The following HERPUD2 variants were observed in gnomAD, a reference collection of about 807,000 sequenced individuals.
The protein encoded by HERPUD2 is HERPUD family member 2, also known as homocysteine-responsive endoplasmic reticulum-resident ubiquitin-like domain member 2 protein.
A neutral mutation model predicts 49.9 loss-of-function variants in HERPUD2; 13 were observed. The observed-to-expected ratio is 0.26, with a 90% CI of 0.17 to 0.41. The LOEUF is 0.41. Ranked by LOEUF, HERPUD2 falls within the 10% of genes least tolerant of loss-of-function variation. The probability of loss-of-function intolerance (pLI) is 1.00; values close to 1 mark genes in which losing one functional copy is unlikely to be tolerated. For synonymous variants in HERPUD2, 172 were observed against 171.4 expected (o/e 1.00, Z -0.03); for missense variants, 449 against 492.2 (o/e 0.91, Z 0.83).
rs201401047 is a variant in HERPUD2 at position 35,636,879 on chromosome 7, G to A, written c.618-1421C>T. Among the ~76,000 whole-genome samples the A allele has an allele frequency of 3.9e-5, 6 of 152,168 alleles. No homozygotes were observed. The East Asian group carries it at 1.2e-3, about 29-fold the overall frequency. ...CATGGTGGCTCATGCCTGTAATCCCGGCACTTTGGGTGGTCAAGGCAGGCA... is the reference window on the plus strand; with the variant it reads ...CATGGTGGCTCATGCCTGTAATCCCAGCACTTTGGGTGGTCAAGGCAGGCA... On this transcript the variant is annotated intron_variant, in intron 6 of 8. Coordinates refer to ENST00000311350, the MANE Select transcript of HERPUD2 (RefSeq NM_022373.5).
intron 5 of HERPUD2, among the ~76,000 whole-genome samples, chr7:35,664,981 T>C (rs2115942619): frequency 6.6e-6 from 1 of 152,270 alleles, no homozygotes; most frequent in Middle Eastern, 3.4e-3. Flanking sequence ...TCTGGAAGCT[T>C]CATCTCAGAG....
At chr7:35,657,921 C>G (rs1459658739) in intron 5 of HERPUD2, among the ~76,000 whole-genome samples, 1 of 129,150 alleles carries the variant, frequency 7.7e-6, no homozygotes, top group South Asian at 2.7e-4. Context: ...GACTCTGTCT[C>G]AAAAAAAAAA....
chr7:35,664,056 G>A (rs1785487586), intron 5 of HERPUD2, among the ~76,000 whole-genome samples: 1 of 152,102 alleles, frequency 6.6e-6, no homozygotes, highest in African/African-American at 2.4e-5. Context: ...GTGTTTTAGT[G>A]CTTCCTTCAG....
intron 5 of HERPUD2, among the ~76,000 whole-genome samples, chr7:35,639,764 T>G (rs376092645): frequency 1.3e-5 from 2 of 152,166 alleles, no homozygotes; most frequent in East Asian, 1.9e-4. Context: ...AAACCTAACT[T>G]AGAAGAGCCT....
At chr7:35,676,548 C>T (rs1343222228) in intron 2 of HERPUD2, among the ~76,000 whole-genome samples, 1 of 152,146 alleles carries the variant, frequency 6.6e-6, no homozygotes, top group Non-Finnish European at 1.5e-5. Flanking sequence ...TCAGCCATTG[C>T]TCCAGGATCC....
At chr7:35,674,668 AC>A (rs1785722048) in intron 2 of HERPUD2, among the ~76,000 whole-genome samples, 1 of 138,800 alleles carries the variant, frequency 7.2e-6, no homozygotes, top group East Asian at 2.2e-4. Context: ...TCCCACCCCC[AC>A]CCCCAACCTC....
At chr7:35,672,008 ACT>A (rs1785654126) in intron 3 of HERPUD2, among the ~76,000 whole-genome samples, 1 of 152,046 alleles carries the variant, frequency 6.6e-6, no homozygotes, top group Non-Finnish European at 1.5e-5. Context: ...GTGATACTAT[ACT>A]GGTGGAGACA....
chr7:35,683,288 T>C (rs764641333), intron 2 of HERPUD2, among the ~76,000 whole-genome samples: 9 of 152,172 alleles, frequency 5.9e-5, no homozygotes, highest in Non-Finnish European at 1.0e-4. Context: ...CCAACTGATC[T>C]TTGACAAAGC....
intron 3 of HERPUD2, among the ~76,000 whole-genome samples, chr7:35,672,407 A>T (rs561215314): frequency 1.2e-4 from 19 of 152,184 alleles, no homozygotes; most frequent in African/African-American, 4.6e-4. Context: ...GGCAAAGCTA[A>T]AATGTCAACT....
At chr7:35,668,235 G>A (rs150585142) in intron 4 of HERPUD2, among the ~76,000 whole-genome samples, 1 of 152,214 alleles carries the variant, frequency 6.6e-6, no homozygotes, top group East Asian at 1.9e-4. Flanking sequence ...AATTCTATTA[G>A]TTTATAGAAA....
chr7:35,661,581 G>A (rs1461068348), intron 5 of HERPUD2, among the ~76,000 whole-genome samples: 2 of 152,168 alleles, frequency 1.3e-5, no homozygotes, highest in African/African-American at 4.8e-5. Context: ...CCTTGAAGAG[G>A]TCGTTCACAT....
intron 5 of HERPUD2, among the ~76,000 whole-genome samples, chr7:35,649,127 T>C (rs1304629388): frequency 6.6e-6 from 1 of 152,010 alleles, no homozygotes; most frequent in African/African-American, 2.4e-5. Flanking sequence ...GGCAGGCGCC[T>C]GTAGTCCCAG....
At chr7:35,657,777 G>A (rs1785311364) in intron 5 of HERPUD2, among the ~76,000 whole-genome samples, 2 of 151,398 alleles carry the variant, frequency 1.3e-5, no homozygotes, top group African/African-American at 4.9e-5. Flanking sequence ...AAATTAGCCA[G>A]GTGCTGTGGC....
intron 5 of HERPUD2, among the ~76,000 whole-genome samples, chr7:35,644,718 G>T (rs530143885): frequency 2.0e-5 from 3 of 152,178 alleles, no homozygotes; most frequent in Non-Finnish European, 4.4e-5. Context: ...AGTGAGCCAA[G>T]ATCGCACCAC....
In HERPUD2 at chr7:35,634,396, T is replaced by C; in HGVS notation, c.975A>G (p.Glu325=). 1 of 1,613,854 alleles carries C rather than the reference T, an allele frequency of 6.2e-7. No homozygotes were observed. The highest frequency in any genetic ancestry group is 1.7e-4 in the Middle Eastern group (1 of 6,058). ...TGTTGGGAGCCTGCTGATGACCTCC[T>C]TCTTGCCTAAAAGGAAACCATCCAG... ...HQAGWFPFRQ[E]GGHQQAPNNN... The change falls in exon 8 of 9, where the codon GAA becomes GAG. Residue 325 remains glutamate, a synonymous_variant. Transcript: ENST00000311350.
At chr7:35,661,781 T>G (rs563085946) in intron 5 of HERPUD2, among the ~76,000 whole-genome samples, 80 of 152,266 alleles carry the variant, frequency 5.3e-4, no homozygotes, top group African/African-American at 1.8e-3. Flanking sequence ...TGGGCTGAGA[T>G]GATAGGGTTT....
intron 2 of HERPUD2, among the ~76,000 whole-genome samples, chr7:35,676,469 G>C (rs1285941065): frequency 6.6e-6 from 1 of 152,124 alleles, no homozygotes; most frequent in Non-Finnish European, 1.5e-5. Context: ...TCTAATAGTA[G>C]CTTCCTTGCT....
intron 2 of HERPUD2, among the ~76,000 whole-genome samples, chr7:35,675,874 AAGT>A (rs1336995474): frequency 4.5e-4 from 68 of 152,170 alleles, no homozygotes; most frequent in Non-Finnish European, 5.9e-5. Context: ...TCCTGGGCTC[AAGT>A]AATCCTCCCG....
chr7:35,665,447 G>A (rs377368880), intron 5 of HERPUD2, among the ~76,000 whole-genome samples: 12 of 152,324 alleles, frequency 7.9e-5, no homozygotes, highest in African/African-American at 2.2e-4. Flanking sequence ...CTGGTGAGCC[G>A]TTTGCTAAGG....
Sources: allele counts gnomAD v4.1 joint callset (sites outside exome capture counted in the v4.1 genomes callset), GRCh38; gene constraint gnomAD v4.1.1; transcripts MANE v1.5; gene names NCBI Gene and HGNC (gene_info 2026-07-23, HGNC 2026-07-21).